Variants in SFXN1 observed in about 807,000 individuals in gnomAD.
SFXN1 encodes the protein sideroflexin-1.
SFXN1 carries 32 observed loss-of-function variants against 39.5 expected under a neutral mutation model. The observed-to-expected ratio is 0.81, with a 90% CI of 0.61 to 1.09. The LOEUF (loss-of-function observed/expected upper bound fraction) is 1.09, where lower values mean the gene tolerates loss of function less well. Ranked by LOEUF, SFXN1 falls within the 50% of genes least tolerant of loss-of-function variation. SFXN1 has a pLI of 0.00. For missense variants in SFXN1, 402 were observed against 407.1 expected, an observed-to-expected ratio of 0.99 and a Z score of 0.11; for synonymous variants, 136 against 146.5, an observed-to-expected ratio of 0.93 and a Z score of 0.52.
intron 2 of SFXN1, among the ~76,000 whole-genome samples, chr5:175,492,981 C>T (rs529445540): frequency 2.6e-5 from 4 of 152,250 alleles, no homozygotes; most frequent in Non-Finnish European, 5.9e-5. Context: ...CCGCTGGGCA[C>T]GGTGGCTCAC....
intron 2 of SFXN1, among the ~76,000 whole-genome samples, chr5:175,499,449 C>T (rs773452136): frequency 5.9e-5 from 9 of 152,048 alleles, no homozygotes; most frequent in South Asian, 2.1e-4. Flanking sequence ...CAAATCTACC[C>T]GGAAAGGGCA....
intron 10 of SFXN1, among the ~76,000 whole-genome samples, chr5:175,525,193 A>G (rs1038296462): frequency 6.6e-6 from 1 of 152,264 alleles, no homozygotes; most frequent in Non-Finnish European, 1.5e-5. Flanking sequence ...ATACATTCAT[A>G]GTAATTACAG....
In SFXN1 at chr5:175,526,755, A is replaced by G. The variant is rs1032226418; in HGVS notation, c.*21A>G. On this transcript the variant is annotated 3_prime_UTR_variant, in exon 11 of 11. Transcript: ENST00000321442. Reference sequence around the variant, plus strand: ...TGTAAAGCAGGGAGGAAACCTCTGCAGCTCATTCTGCCACTGCAAAGCTGG... The same window carrying G: ...TGTAAAGCAGGGAGGAAACCTCTGCGGCTCATTCTGCCACTGCAAAGCTGG... 5.7e-6 allele frequency: 9 copies of G among 1,581,400 alleles called. No homozygotes were observed. In the East Asian group the frequency reaches 8.9e-5, roughly 16 times the overall value.
intron 2 of SFXN1, among the ~76,000 whole-genome samples, chr5:175,500,047 G>A (rs533524511): frequency 6.6e-6 from 1 of 152,252 alleles, no homozygotes. Context: ...AATTAGCCAG[G>A]CCTGGTGGTG....
chr5:175,521,891 A>G (rs1032772067), intron 8 of SFXN1, 28 bp from the exon 9 acceptor site: 2 of 1,579,738 alleles, frequency 1.3e-6, no homozygotes, highest in Non-Finnish European at 1.7e-6. Context: ...TATAAAAAGT[A>G]TTCAAAGCCA....
At chr5:175,504,925 TCA>T (rs1444454952) in intron 2 of SFXN1, among the ~76,000 whole-genome samples, 7 of 151,988 alleles carry the variant, frequency 4.6e-5, no homozygotes, top group Non-Finnish European at 1.0e-4. Flanking sequence ...AGACGAGATT[TCA>T]CAGTGTTAGC....
At chr5:175,493,474 A>G (rs752730168) in intron 2 of SFXN1, among the ~76,000 whole-genome samples, 1 of 152,142 alleles carries the variant, frequency 6.6e-6, no homozygotes. Flanking sequence ...GTCAATAAAC[A>G]CTGAGTCTGG....
chr5:175,515,550 C>T (rs1434341108), intron 7 of SFXN1, among the ~76,000 whole-genome samples: 2 of 152,044 alleles, frequency 1.3e-5, no homozygotes, highest in Non-Finnish European at 2.9e-5. Context: ...GAATGCTGTC[C>T]ACCGCATACC....
intron 10 of SFXN1, chr5:175,524,124 AAATATATAT>A (rs1760978736): frequency 4.0e-5 from 1 of 25,014 alleles, no homozygotes; most frequent in Non-Finnish European, 5.8e-5. Context: ...AAAAAAAAAA[AAATATATAT>A]ATATATATAT....
chr5:175,499,559 G>A (rs564673024), intron 2 of SFXN1, among the ~76,000 whole-genome samples: 21 of 152,222 alleles, frequency 1.4e-4, no homozygotes, highest in East Asian at 7.7e-4. Flanking sequence ...ACAGAAAACC[G>A]TATTATCATA....
At chr5:175,498,482 C>T (rs1165781322) in intron 2 of SFXN1, among the ~76,000 whole-genome samples, 1 of 152,130 alleles carries the variant, frequency 6.6e-6, no homozygotes, top group African/African-American at 2.4e-5. Flanking sequence ...ATGCTGTTAA[C>T]TACTACATAC....
intron 1 of SFXN1, among the ~76,000 whole-genome samples, chr5:175,482,005 A>G (rs1359359011): frequency 1.3e-5 from 2 of 152,238 alleles, no homozygotes; most frequent in Non-Finnish European, 2.9e-5. Context: ...TTGAGTTTCA[A>G]AGTCAGACAG....
At chr5:175,492,713 C>G (rs944685616) in intron 2 of SFXN1, among the ~76,000 whole-genome samples, 2 of 152,154 alleles carry the variant, frequency 1.3e-5, no homozygotes, top group African/African-American at 4.8e-5. Context: ...GGTAGGAGCT[C>G]AGATGGGAAG....
At position 175,522,476 on chromosome 5, in the gene SFXN1, T is replaced by C. The variant is rs112431408; in HGVS notation, c.872+54T>C. 5.9e-5 allele frequency: 91 copies of C among 1,550,582 alleles called. 1 individual carries two copies. In the African/African-American group the frequency reaches 1.2e-3, roughly 21 times the overall value. On this transcript the variant is annotated intron_variant, in intron 10 of 10. Transcript: ENST00000321442. ...CATGAGTATTAATCCTAAAAACCAA[T>C]TGAAGGTGCAGGTGCCATTATTCCA...
intron 10 of SFXN1, chr5:175,524,168 A>ATATATATATATC (rs1760988761): frequency 8.2e-6 from 1 of 122,658 alleles, no homozygotes; most frequent in African/African-American, 2.9e-5. Context: ...ATATATATAT[A>ATATATATATATC]TATCTCCAAT....
At chr5:175,497,470 G>A (rs1015531372) in intron 2 of SFXN1, among the ~76,000 whole-genome samples, 2 of 152,068 alleles carry the variant, frequency 1.3e-5, no homozygotes, top group African/African-American at 4.8e-5. Flanking sequence ...AAAGGTAATT[G>A]CAAATAAAAA....
intron 10 of SFXN1, 111 bp from the exon 11 acceptor site, chr5:175,526,527 C>G (rs555290467): frequency 1.1e-5 from 8 of 750,976 alleles, no homozygotes. Flanking sequence ...CCAACAAGAC[C>G]CACTGTACCA....
chr5:175,504,162 A>T (rs1255846147), intron 2 of SFXN1, among the ~76,000 whole-genome samples: 1 of 152,224 alleles, frequency 6.6e-6, no homozygotes, highest in Non-Finnish European at 1.5e-5. Context: ...AGAATGTCAC[A>T]TTCTATTAAC....
rs891815245 is a variant in SFXN1, at chr5:175,512,036, A to C, written c.511-75A>C. On this transcript the variant is annotated intron_variant, in intron 5 of 10. Coordinates refer to ENST00000321442, the MANE Select transcript of SFXN1 (RefSeq NM_022754.7). ...GGACTCTGCATTTTTCAGAGTTTTC[A>C]AGAAGAAATAAGTTATTTCCATTTA... The C allele has an allele frequency of 3.3e-5, 45 of 1,370,798 alleles. 1 individual carries two copies. Among genetic ancestry groups the C allele is most frequent in the Non-Finnish European group, 4.1e-5 (40 of 982,706 alleles). 84.9% of individuals were successfully genotyped at this position (1,370,798 alleles called of 1,614,324 possible).
Sources: allele counts gnomAD v4.1 joint callset (sites outside exome capture counted in the v4.1 genomes callset), GRCh38; gene constraint gnomAD v4.1.1; transcripts MANE v1.5; gene names NCBI Gene and HGNC (gene_info 2026-07-23, HGNC 2026-07-21).